Variants in BRINP1 observed in about 807,000 individuals in gnomAD.
BRINP1 encodes BMP/retinoic acid-inducible neural-specific protein 1.
A neutral mutation model predicts 72.9 loss-of-function variants in BRINP1; 17 were observed. The ratio of observed to expected loss-of-function variants is 0.23; its 90% CI spans 0.16 to 0.35. The LOEUF (loss-of-function observed/expected upper bound fraction) is 0.35, where lower values mean the gene tolerates loss of function less well. Ranked by LOEUF, BRINP1 falls within the 10% of genes least tolerant of loss-of-function variation. The pLI, the probability that BRINP1 is intolerant of heterozygous loss-of-function variation, is 1.00. For synonymous variants in BRINP1, 418 were observed against 378.5 expected, an observed-to-expected ratio of 1.10 and a Z score of -1.21; for missense variants, 850 against 1,001.6, an observed-to-expected ratio of 0.85 and a Z score of 2.04.
chr9:119,277,719 G>A (rs1488187763), intron 2 of BRINP1, among the ~76,000 whole-genome samples: 1 of 152,048 alleles, frequency 6.6e-6, no homozygotes, highest in Non-Finnish European at 1.5e-5. Context: ...TCTTGAACTA[G>A]TACAAAATAT....
At chr9:119,250,936 A>G (rs1830381125) in intron 2 of BRINP1, among the ~76,000 whole-genome samples, 1 of 152,186 alleles carries the variant, frequency 6.6e-6, no homozygotes, top group Non-Finnish European at 1.5e-5. Flanking sequence ...GAGGAAAGGG[A>G]CACAGGGCAA....
intron 2 of BRINP1, among the ~76,000 whole-genome samples, chr9:119,252,588 T>C (rs1324686754): frequency 6.6e-6 from 1 of 151,898 alleles, no homozygotes; most frequent in African/African-American, 2.4e-5. Context: ...CTTTTATTCA[T>C]AACTTACTGT....
intron 1 of BRINP1, among the ~76,000 whole-genome samples, chr9:119,327,237 A>T (rs1413748846): frequency 6.6e-6 from 1 of 152,302 alleles, no homozygotes; most frequent in East Asian, 1.9e-4. Flanking sequence ...GGCTGTACTT[A>T]TCAACTCATC....
chr9:119,243,674 T>C (rs553550732), intron 3 of BRINP1, among the ~76,000 whole-genome samples: 1 of 152,342 alleles, frequency 6.6e-6, no homozygotes, highest in African/African-American at 2.4e-5. Flanking sequence ...CCACCAACAG[T>C]GTAAAAACGT....
chr9:119,293,630 C>T (rs1830843165), intron 2 of BRINP1, among the ~76,000 whole-genome samples: 1 of 152,120 alleles, frequency 6.6e-6, no homozygotes, highest in African/African-American at 2.4e-5. Flanking sequence ...TCACTCAAAG[C>T]CTTTGCTACG....
chr9:119,331,044 G>C (rs1203218822), intron 1 of BRINP1, among the ~76,000 whole-genome samples: 2 of 152,086 alleles, frequency 1.3e-5, no homozygotes, highest in African/African-American at 4.8e-5. Flanking sequence ...CAAAACAACA[G>C]CAACAACAAG....
chr9:119,179,373 A>G (rs550236196), intron 7 of BRINP1, among the ~76,000 whole-genome samples: 6 of 152,270 alleles, frequency 3.9e-5, no homozygotes, highest in South Asian at 4.2e-4. Flanking sequence ...AAAGTAGGAG[A>G]AAGAAGGAAG....
intron 2 of BRINP1, among the ~76,000 whole-genome samples, chr9:119,298,918 T>C (rs993358907): frequency 6.6e-6 from 1 of 152,198 alleles, no homozygotes; most frequent in African/African-American, 2.4e-5. Flanking sequence ...CCAATACTTT[T>C]TTTTTAAAGG....
chr9:119,336,668 C>T (rs1172815778), intron 1 of BRINP1, among the ~76,000 whole-genome samples: 1 of 152,080 alleles, frequency 6.6e-6, no homozygotes, highest in African/African-American at 2.4e-5. Context: ...ACTGAACTGA[C>T]GCTGCCAGCC....
At chr9:119,269,277 CA>C (rs1377173087) in intron 2 of BRINP1, among the ~76,000 whole-genome samples, 2 of 152,184 alleles carry the variant, frequency 1.3e-5, no homozygotes, top group African/African-American at 4.8e-5. Flanking sequence ...GTGAAATTAT[CA>C]ATACCAGTTC....
chr9:119,276,041 C>A (rs1425831083), intron 2 of BRINP1, among the ~76,000 whole-genome samples: 1 of 151,976 alleles, frequency 6.6e-6, no homozygotes, highest in African/African-American at 2.4e-5. Context: ...ATTTCCTTAT[C>A]TGTTATCTTT....
rs1829367162 is a variant in BRINP1, at chr9:119,169,228, TCACTAGGGAGTGCCAGA to T, written c.1146-1021_1146-1005del. Among the ~76,000 whole-genome samples, 2 of 152,214 alleles carry T rather than the reference TCACTAGGGAGTGCCAGA, an allele frequency of 1.3e-5. 1 individual carries two copies. Among genetic ancestry groups the T allele is most frequent in the Admixed American group, 1.3e-4 (2 of 15,288 alleles). ...TTCCATCTGAGGTACCGGGTGCATC[TCACTAGGGAGTGCCAGA>T]CAGTGGGCGCAGGTCATTGGGTGCA... On this transcript the variant is annotated intron_variant, in intron 7 of 7. Transcript: ENST00000265922.
chr9:119,187,425 G>A (rs897870098), intron 7 of BRINP1, among the ~76,000 whole-genome samples: 2 of 151,366 alleles, frequency 1.3e-5, no homozygotes, highest in Admixed American at 6.6e-5. Flanking sequence ...TGTAGACTAG[G>A]CTATTAAGGT....
At chr9:119,219,649 GAGAGAGA>G in intron 5 of BRINP1, among the ~76,000 whole-genome samples, 1 of 4,392 alleles carries the variant, frequency 2.3e-4, no homozygotes, top group African/African-American at 9.3e-4. Context: ...TGTTTACTGA[GAGAGAGA>G]GAGAGAGAGA....
intron 2 of BRINP1, among the ~76,000 whole-genome samples, chr9:119,297,298 G>A (rs1830891001): frequency 6.6e-6 from 1 of 152,224 alleles, no homozygotes; most frequent in Non-Finnish European, 1.5e-5. Context: ...GGATGATACA[G>A]TGTTGAGGAC....
chr9:119,173,651 C>A (rs10984428), intron 7 of BRINP1, among the ~76,000 whole-genome samples: 88,156 of 141,876 alleles, frequency 0.62, 28,626 homozygotes, highest in African/African-American at 0.86. Context: ...CTTTAAAGTT[C>A]ATATGGAACC....
At chr9:119,211,108 A>G (rs963654798) in intron 6 of BRINP1, among the ~76,000 whole-genome samples, 3 of 152,250 alleles carry the variant, frequency 2.0e-5, no homozygotes, top group African/African-American at 7.2e-5. Context: ...CAGGCCTTCA[A>G]TGAACCCAAA....
At chr9:119,345,129 C>T (rs1831437548) in intron 1 of BRINP1, among the ~76,000 whole-genome samples, 1 of 152,192 alleles carries the variant, frequency 6.6e-6, no homozygotes, top group African/African-American at 2.4e-5. Flanking sequence ...TGAATATTCA[C>T]ATACACATTT....
intron 7 of BRINP1, among the ~76,000 whole-genome samples, chr9:119,172,867 A>C (rs1379972875): frequency 2.0e-5 from 3 of 147,096 alleles, no homozygotes; most frequent in African/African-American, 5.2e-5. Flanking sequence ...ATAAACAGAG[A>C]CAAAGACAAA....
Sources: gnomAD v4.1 joint callset for allele counts (sites outside exome capture counted in the v4.1 genomes callset) on GRCh38, gnomAD v4.1.1 for gene constraint, MANE v1.5 for transcripts, NCBI Gene and HGNC (gene_info 2026-07-23, HGNC 2026-07-21) for gene names.